The following FCHO2 variants were observed in gnomAD, a reference collection of about 807,000 sequenced individuals.
The protein encoded by FCHO2 is F-BAR domain only protein 2.
A neutral mutation model predicts 114.1 loss-of-function variants in FCHO2; 43 were observed. The observed-to-expected ratio is 0.38, with a 90% confidence interval of 0.30 to 0.49. The LOEUF (loss-of-function observed/expected upper bound fraction) is 0.49, where lower values mean the gene tolerates loss of function less well. Among genes scored for constraint, FCHO2 ranks in the 20% least tolerant of loss-of-function variants. FCHO2 has a pLI of 0.97. For synonymous variants in FCHO2, 293 were observed against 315.2 expected (o/e 0.93, Z 0.75); for missense variants, 807 against 950.4 (o/e 0.85, Z 1.98).
chr5:73,072,964 T>C (rs1293124675), intron 19 of FCHO2, among the ~76,000 whole-genome samples: 1 of 152,094 alleles, frequency 6.6e-6, no homozygotes. Context: ...TCAGAAAATA[T>C]GTTTTCCTGA....
chr5:73,014,565 G>A (rs1271253134), intron 6 of FCHO2, among the ~76,000 whole-genome samples: 3 of 151,964 alleles, frequency 2.0e-5, no homozygotes, highest in Non-Finnish European at 4.4e-5. Flanking sequence ...TGGGATTATA[G>A]GTGTGAGCCA....
intron 25 of FCHO2, 47 bp downstream of exon 25, chr5:73,087,800 G>C (rs769289967): frequency 6.6e-7 from 1 of 1,525,022 alleles, no homozygotes; most frequent in South Asian, 1.3e-5. Flanking sequence ...GGAAACATTT[G>C]TATTCTAACA....
Position 73,063,877 on chromosome 5 carries a change from T to C in FCHO2, c.1382T>C (p.Val461Ala), listed in dbSNP as rs1366986497. 2 of 1,612,228 alleles carry C rather than the reference T, an allele frequency of 1.2e-6. No individual in the cohort carries two copies. The highest frequency in any genetic ancestry group is 1.7e-6 in the Non-Finnish European group (2 of 1,178,942). ...ACTCCTCTTTCTGTAGGCACCATTGTCCCACCTCCGAGGCCTGCTTCCAGA... is the reference window on the plus strand; with the variant it reads ...ACTCCTCTTTCTGTAGGCACCATTGCCCCACCTCCGAGGCCTGCTTCCAGA... ...PTTPLSVGTI[V>A]PPPRPASRPK... The change falls in exon 18 of 26, where the codon GTC becomes GCC. Residue 461 changes from valine (V) to alanine (A), a missense_variant. Transcript: ENST00000430046.
intron 2 of FCHO2, 59 bp from the exon 3 acceptor site, chr5:72,989,368 C>A: frequency 8.0e-7 from 1 of 1,243,892 alleles, no homozygotes; most frequent in Non-Finnish European, 1.1e-6. Flanking sequence ...ATTTTGATAA[C>A]TTTGCTGTTT....
At position 72,990,548 on chromosome 5, in the gene FCHO2, G is replaced by A; in HGVS notation, c.271G>A (p.Val91Ile). Residue 91 changes from valine (V) to isoleucine (I), a missense_variant, in exon 4 of 26, where the codon GTT (valine) becomes ATT (isoleucine). Val to Ile is a conservative substitution (Grantham distance 29, BLOSUM62 3). Coordinates refer to ENST00000430046, the MANE Select transcript of FCHO2 (RefSeq NM_138782.3). ...ATTAGCAAATTGTCACTTGGATCTTGTTAGAAAATTACAAGAATTAATAAA... is the reference window on the plus strand; with the variant it reads ...ATTAGCAAATTGTCACTTGGATCTTATTAGAAAATTACAAGAATTAATAAA... ...EKLANCHLDL[V>I]RKLQELIKEV... 1 of 1,542,108 alleles carries A rather than the reference G, an allele frequency of 6.5e-7. No individual in the cohort carries two copies. The highest frequency in any genetic ancestry group is 8.7e-7 in the Non-Finnish European group (1 of 1,145,100).
intron 6 of FCHO2, 48 bp from the exon 7 acceptor site, chr5:73,015,578 A>G (rs775295465): frequency 5.5e-6 from 6 of 1,093,896 alleles, no homozygotes; most frequent in African/African-American, 3.3e-5. Flanking sequence ...ATATATATGT[A>G]TGTACCTGTA....
At position 72,970,685 on chromosome 5, in the gene FCHO2, T is replaced by G. The variant is rs561334551; in HGVS notation, c.125+2096T>G. ...ATTTCTTTTTATTTTTCTTTCTTTT[T>G]CTTTTTTTTTATTTTTTATTTTTTA... On this transcript the variant is annotated intron_variant, in intron 2 of 25. Transcript: ENST00000430046. Among the ~76,000 whole-genome samples the G allele has an allele frequency of 2.8e-4, 43 of 152,012 alleles. 1 individual carries two copies. The highest frequency in any genetic ancestry group is 4.2e-4 in the South Asian group (2 of 4,814).
At chr5:73,043,005 T>G (rs1756878521) in intron 11 of FCHO2, among the ~76,000 whole-genome samples, 1 of 152,226 alleles carries the variant, frequency 6.6e-6, no homozygotes, top group Non-Finnish European at 1.5e-5. Context: ...CATAGCTCAC[T>G]GTAACCATGA....
intron 8 of FCHO2, among the ~76,000 whole-genome samples, chr5:73,027,350 T>C (rs1755993023): frequency 6.6e-6 from 1 of 151,738 alleles, no homozygotes; most frequent in Admixed American, 6.6e-5. Context: ...GTGACTATTT[T>C]CTCCCAGTCT....
chr5:73,052,215 A>T, intron 12 of FCHO2, 117 bp from the exon 13 acceptor site: 1 of 1,048,446 alleles, frequency 9.5e-7, no homozygotes, highest in Non-Finnish European at 1.4e-6. Context: ...GAGCCGTCGC[A>T]CCCGGCCCAA....
rs1397766775 is a variant in FCHO2 at position 73,056,104 on chromosome 5, A to G, written c.1250A>G (p.Asn417Ser). The stretch of plus-strand genomic sequence containing the variant: ...AAATCAAAGCCATCTGCTCCACCCA[A>G]TGAGTAAGTTTCCATGTTTAATTTT... ...LTKSKPSAPPNEKGTSDLLAW... is the reference protein window; with the variant it reads ...LTKSKPSAPPSEKGTSDLLAW... Residue 417 changes from asparagine (N) to serine (S), a missense_variant, in exon 16 of 26, where the codon AAT (asparagine) becomes AGT (serine). Physicochemically the swap from Asn to Ser is conservative, Grantham distance 46. Coordinates refer to ENST00000430046, the MANE Select transcript of FCHO2 (RefSeq NM_138782.3). 1 of 1,527,508 alleles carries G rather than the reference A, an allele frequency of 6.5e-7. No homozygotes were observed. The highest frequency in any genetic ancestry group is 8.8e-7 in the Non-Finnish European group (1 of 1,138,686). The allele number at this position is 1,527,508 out of a possible 1,614,324, so 94.6% of individuals were successfully genotyped here.
intron 6 of FCHO2, among the ~76,000 whole-genome samples, chr5:73,007,402 T>G (rs1466861190): frequency 6.6e-6 from 1 of 152,190 alleles, no homozygotes. Flanking sequence ...TTTTTGTCTG[T>G]TTTTCTCCAC....
chr5:72,987,150 A>T (rs997091081), intron 2 of FCHO2, among the ~76,000 whole-genome samples: 1 of 151,998 alleles, frequency 6.6e-6, no homozygotes, highest in Non-Finnish European at 1.5e-5. Flanking sequence ...TGCTGGGATT[A>T]CCGGCGTGAG....
At chr5:72,959,677 T>C (rs778470944) in intron 1 of FCHO2, among the ~76,000 whole-genome samples, 4 of 152,238 alleles carry the variant, frequency 2.6e-5, no homozygotes, top group Non-Finnish European at 5.9e-5. Context: ...TATATGTTTT[T>C]CATCAATTAA....
chr5:73,044,858 T>A (rs368281665), intron 11 of FCHO2, among the ~76,000 whole-genome samples: 2 of 152,162 alleles, frequency 1.3e-5, no homozygotes, highest in East Asian at 1.9e-4. Flanking sequence ...TTGCCTGTTC[T>A]ATTCTTGTTC....
intron 11 of FCHO2, among the ~76,000 whole-genome samples, chr5:73,044,182 C>G (rs750044188): frequency 2.0e-5 from 3 of 152,148 alleles, no homozygotes; most frequent in Middle Eastern, 3.2e-3. Flanking sequence ...CCTGTACAGC[C>G]TGTAGAACTG....
intron 20 of FCHO2, among the ~76,000 whole-genome samples, chr5:73,077,038 C>T (rs1172305241): frequency 6.6e-6 from 1 of 152,082 alleles, no homozygotes; most frequent in Admixed American, 6.5e-5. Context: ...AAAGCAATAT[C>T]CTTCCAGGGA....
chr5:73,081,787 C>T lies in FCHO2; in HGVS notation c.1985C>T (p.Ser662Leu), dbSNP rs1347319944. 2.0e-6 allele frequency: 3 copies of T among 1,516,584 alleles called. No homozygotes were observed. In the South Asian group the frequency reaches 3.9e-5, roughly 20 times the overall value. The allele number at this position is 1,516,584 out of a possible 1,614,324, so 93.9% of individuals were successfully genotyped here. ...TTTGTTCTTTTCTCTTTAAAGGTAT[C>T]ATCAAATGGTATTCAGTCCACTCCT... ...YNVDVLKYQV[S>L]SNGIQSTPLN... is the part of the protein sequence containing the mutation. Residue 662 changes from serine (S) to leucine (L), a missense_variant, in exon 23 of 26, where the codon TCA becomes TTA. By Grantham distance (145) the Ser-to-Leu change is moderately radical. Coordinates refer to ENST00000430046, the MANE Select transcript of FCHO2 (RefSeq NM_138782.3).
intron 10 of FCHO2, among the ~76,000 whole-genome samples, chr5:73,039,130 C>T (rs1756677405): frequency 6.6e-6 from 1 of 152,234 alleles, no homozygotes; most frequent in African/African-American, 2.4e-5. Flanking sequence ...ACTGTACCAT[C>T]ATCACCTTCT....
Sources: gnomAD v4.1 joint callset for allele counts (sites outside exome capture counted in the v4.1 genomes callset) on GRCh38, gnomAD v4.1.1 for gene constraint, MANE v1.5 for transcripts, NCBI Gene and HGNC (gene_info 2026-07-23, HGNC 2026-07-21) for gene names.